Variants in AK5 observed in about 807,000 individuals in gnomAD.
The protein encoded by AK5 is adenylate kinase 5, also known as adenylate kinase isoenzyme 5.
AK5 carries 27 observed loss-of-function variants against 69.5 expected under a neutral mutation model. The ratio of observed to expected loss-of-function variants is 0.39; its 90% CI spans 0.29 to 0.54. The LOEUF is 0.54. Among genes scored for constraint, AK5 ranks in the 20% least tolerant of loss-of-function variants. The pLI, the probability that AK5 is intolerant of heterozygous loss-of-function variation, is 0.71. For synonymous variants in AK5, 260 were observed against 244.4 expected (o/e 1.06, Z -0.60); for missense variants, 531 against 700.4 (o/e 0.76, Z 2.73).
chr1:77,380,023 T>C (rs1022667067), intron 6 of AK5, among the ~76,000 whole-genome samples: 4 of 152,188 alleles, frequency 2.6e-5, no homozygotes, highest in Non-Finnish European at 5.9e-5. Context: ...AATCCTGAAG[T>C]GTCCCACTGA....
At chr1:77,284,724 G>A (rs944920032) in intron 1 of AK5, among the ~76,000 whole-genome samples, 3 of 152,180 alleles carry the variant, frequency 2.0e-5, no homozygotes, top group African/African-American at 7.2e-5. Flanking sequence ...AGGTCTCAAA[G>A]GGTTCACTCA....
chr1:77,463,640 C>G (rs1001489341), intron 8 of AK5, among the ~76,000 whole-genome samples: 3 of 151,742 alleles, frequency 2.0e-5, no homozygotes, highest in African/African-American at 7.3e-5. Context: ...AAGAATGCAT[C>G]TGAACCCTAG....
chr1:77,386,239 A>C (rs1253401119), intron 6 of AK5, among the ~76,000 whole-genome samples: 1 of 152,214 alleles, frequency 6.6e-6, no homozygotes, highest in East Asian at 1.9e-4. Context: ...CAAGAAGTCC[A>C]TTCCTTCCAA....
chr1:77,435,366 G>A (rs1651891620), intron 8 of AK5, among the ~76,000 whole-genome samples: 1 of 152,100 alleles, frequency 6.6e-6, no homozygotes, highest in Non-Finnish European at 1.5e-5. Context: ...CTGTAAAACA[G>A]AGGCTGGGCA....
At chr1:77,441,363 C>G (rs765980214) in intron 8 of AK5, among the ~76,000 whole-genome samples, 1 of 152,054 alleles carries the variant, frequency 6.6e-6, no homozygotes, top group Non-Finnish European at 1.5e-5. Flanking sequence ...CTTCCATGCT[C>G]TTTTATGTTT....
chr1:77,487,836 A>G (rs766154707), intron 10 of AK5, among the ~76,000 whole-genome samples: 1 of 152,216 alleles, frequency 6.6e-6, no homozygotes, highest in Non-Finnish European at 1.5e-5. Flanking sequence ...CATCTGACAC[A>G]TGCTTATTGA....
At chr1:77,525,220 T>C (rs1364006163) in intron 12 of AK5, among the ~76,000 whole-genome samples, 2 of 152,252 alleles carry the variant, frequency 1.3e-5, no homozygotes, top group East Asian at 3.8e-4. Context: ...TGATCCATTT[T>C]CAGCTAATTT....
chr1:77,295,872 A>C (rs1051386853), intron 3 of AK5, among the ~76,000 whole-genome samples: 1 of 152,172 alleles, frequency 6.6e-6, no homozygotes, highest in African/African-American at 2.4e-5. Context: ...TCTTCGGAGA[A>C]TATGTAAATA....
At chr1:77,494,877 G>T (rs963476566) in intron 10 of AK5, among the ~76,000 whole-genome samples, 1 of 151,656 alleles carries the variant, frequency 6.6e-6, no homozygotes, top group Admixed American at 6.6e-5. Flanking sequence ...CGCCTCCCAG[G>T]TTCACGCCAT....
chr1:77,283,201 A>T, intron 1 of AK5: 1 of 985,310 alleles, frequency 1.0e-6, no homozygotes, highest in African/African-American at 1.7e-5. Flanking sequence ...CTAAGCCACA[A>T]CCCCTGTCTC....
intron 8 of AK5, among the ~76,000 whole-genome samples, chr1:77,439,830 A>ATACATATACATGTATGTATACATG: frequency 6.6e-6 from 1 of 151,486 alleles, no homozygotes. Flanking sequence ...ATGTATGTAT[A>ATACATATACATGTATGTATACATG]TCTCATTTTC....
chr1:77,391,495 G>GTGTGTGTGTA (rs1425180466), intron 6 of AK5, among the ~76,000 whole-genome samples: 15 of 63,414 alleles, frequency 2.4e-4, no homozygotes, highest in Non-Finnish European at 3.9e-4. Flanking sequence ...GTGTGTGTGT[G>GTGTGTGTGTA]TATATATATA....
intron 5 of AK5, among the ~76,000 whole-genome samples, chr1:77,299,826 C>G (rs1470290583): frequency 6.6e-6 from 1 of 150,926 alleles, no homozygotes. Flanking sequence ...TAGGTACAAG[C>G]AGATGAAGCT....
rs534408300 is a variant in AK5, at chr1:77,421,001, A to C, written c.1059+3286A>C. Among the ~76,000 whole-genome samples, 5 of 152,348 alleles carry C rather than the reference A, an allele frequency of 3.3e-5. No homozygotes were observed. The East Asian group carries it at 7.7e-4, about 23-fold the overall frequency. On this transcript the variant is annotated intron_variant, in intron 8 of 13. Coordinates refer to ENST00000354567, the MANE Select transcript of AK5 (RefSeq NM_174858.3). The stretch of plus-strand genomic sequence containing the variant: ...TAAAACATCATATGTGGATACTGAA[A>C]TTCAAATTCCATATAATTTTCATGT...
chr1:77,345,522 CTT>C (rs1557514560), intron 6 of AK5, among the ~76,000 whole-genome samples: 1 of 152,118 alleles, frequency 6.6e-6, no homozygotes, highest in East Asian at 1.9e-4. Context: ...GGTGAGATGA[CTT>C]TTTAATTTTA....
intron 1 of AK5, among the ~76,000 whole-genome samples, chr1:77,284,783 C>T (rs1052430482): frequency 1.3e-5 from 2 of 152,170 alleles, no homozygotes; most frequent in Non-Finnish European, 2.9e-5. Flanking sequence ...CTGATAGTGG[C>T]TGGCTATTAG....
At chr1:77,488,969 G>C (rs1655791062) in intron 10 of AK5, among the ~76,000 whole-genome samples, 1 of 152,158 alleles carries the variant, frequency 6.6e-6, no homozygotes, top group Admixed American at 6.5e-5. Context: ...TTAATAATGT[G>C]GTCCAAAGAA....
intron 6 of AK5, among the ~76,000 whole-genome samples, chr1:77,394,007 G>A (rs1648657780): frequency 6.6e-6 from 1 of 152,050 alleles, no homozygotes; most frequent in Non-Finnish European, 1.5e-5. Context: ...TTGAAGTCAG[G>A]AGTTCGAGAC....
chr1:77,508,138 T>A (rs986933059), intron 10 of AK5, among the ~76,000 whole-genome samples: 2 of 152,104 alleles, frequency 1.3e-5, no homozygotes, highest in Admixed American at 6.6e-5. Context: ...TAAAAAAAAA[T>A]TAAAATATAA....
Sources: allele counts gnomAD v4.1 joint callset (sites outside exome capture counted in the v4.1 genomes callset), GRCh38; gene constraint gnomAD v4.1.1; transcripts MANE v1.5; gene names NCBI Gene and HGNC (gene_info 2026-07-23, HGNC 2026-07-21).